Variants in COPG1 observed in about 807,000 individuals in gnomAD.
The protein encoded by COPG1 is coat protein complex I subunit gamma 1, also known as coatomer subunit gamma-1.
In COPG1, 29 loss-of-function variants were observed where a neutral mutation model predicts 102.8. The observed-to-expected ratio is 0.28, with a 90% CI of 0.21 to 0.38. COPG1 has a LOEUF of 0.38. COPG1 is among the 10% of genes least tolerant of loss of function. COPG1 has a pLI of 1.00. For missense variants in COPG1, 875 were observed against 1,132.7 expected (o/e 0.77, Z 3.27); for synonymous variants, 406 against 421.6 (o/e 0.96, Z 0.45).
intron 7 of COPG1, among the ~76,000 whole-genome samples, chr3:129,255,487 CTT>C (rs528208821): frequency 3.2e-5 from 4 of 126,884 alleles, no homozygotes; most frequent in African/African-American, 2.8e-5. Context: ...TCTCTTTCTT[CTT>C]TTTTTTTTTT....
chr3:129,264,741 C>T (rs1265653532), intron 13 of COPG1, among the ~76,000 whole-genome samples: 1 of 152,048 alleles, frequency 6.6e-6, no homozygotes, highest in Non-Finnish European at 1.5e-5. Context: ...ACCTTAGCCA[C>T]CCAAGTTCTG....
chr3:129,260,840 C>A, intron 12 of COPG1, 33 bp downstream of exon 12: 1 of 1,602,978 alleles, frequency 6.2e-7, no homozygotes, highest in Non-Finnish European at 8.5e-7. Flanking sequence ...CCACGGCCCC[C>A]AGAGGAAGGA....
rs565125384 is a variant in COPG1 at position 129,271,160 on chromosome 3, A to G, written c.1844-607A>G. ...TTCCCTTTAGTTTGCAAGGAATGCC[A>G]GGACCAGCCAGGGTGGGGTCCCATG... On this transcript the variant is annotated intron_variant, in intron 18 of 23. Coordinates refer to ENST00000314797, the MANE Select transcript of COPG1 (RefSeq NM_016128.4). The surrounding 1 kb of genome is among the most constrained non-coding windows in gnomAD (Gnocchi z 4.7). Among the ~76,000 whole-genome samples the G allele has an allele frequency of 6.6e-6, 1 of 152,328 alleles. No individual in the cohort carries two copies. Among genetic ancestry groups the G allele is most frequent in the South Asian group, 2.1e-4 (1 of 4,832 alleles).
intron 13 of COPG1, 28 bp from the exon 14 acceptor site, chr3:129,265,521 C>G: frequency 6.2e-7 from 1 of 1,612,178 alleles, no homozygotes; most frequent in East Asian, 2.2e-5. Context: ...AGAGCAGGCT[C>G]CTTGCTTAGC....
chr3:129,267,136 T>C (rs1027960091), intron 15 of COPG1, 37 bp downstream of exon 15: 1 of 1,534,004 alleles, frequency 6.5e-7, no homozygotes, highest in African/African-American at 1.4e-5. Context: ...GGGGACAGTG[T>C]TCCCTTGGAC....
chr3:129,267,102 G>A lies in COPG1; in HGVS notation c.1544+3G>A. 3 of 1,613,274 alleles carry A rather than the reference G, an allele frequency of 1.9e-6. No individual in the cohort carries two copies. Among genetic ancestry groups the A allele is most frequent in the South Asian group, 2.2e-5 (2 of 91,002 alleles). On this transcript the variant is annotated splice_donor_region_variant and intron_variant, in intron 15 of 23. Coordinates refer to ENST00000314797, the MANE Select transcript of COPG1 (RefSeq NM_016128.4). ...AGTATCTTGGTGTTGCTGAAGAGGT[G>A]AGTCTAGGCCCAGGGGCCCTAATGG...
intron 18 of COPG1, among the ~76,000 whole-genome samples, chr3:129,269,706 T>C (rs1369420946): frequency 6.6e-6 from 1 of 152,136 alleles, no homozygotes; most frequent in Non-Finnish European, 1.5e-5. Flanking sequence ...ACACTCAGAA[T>C]CATGTCTTAT....
rs558974951 is a variant in COPG1 at position 129,271,833 on chromosome 3, T to C, written c.1910T>C (p.Val637Ala). ...GPLFKSSPEP[V>A]ALTESETEYV... is the part of the protein sequence containing the mutation. The stretch of plus-strand genomic sequence containing the variant: ...CTCTTCAAGTCCTCGCCTGAGCCCG[T>C]GGCCCTCACCGAGTCAGAGACGGAG... Residue 637 changes from valine to alanine, a missense_variant, in exon 19 of 24, where the codon GTG becomes GCG. Val to Ala is a moderately conservative substitution (Grantham distance 64). Coordinates refer to ENST00000314797, the MANE Select transcript of COPG1 (RefSeq NM_016128.4). The surrounding 1 kb of genome is among the most constrained non-coding windows in gnomAD (Gnocchi z 4.7). 6.2e-7 allele frequency: 1 copy of C among 1,614,224 alleles called. No homozygotes were observed. The highest frequency in any genetic ancestry group is 1.3e-5 in the African/African-American group (1 of 75,054).
Position 129,275,387 on chromosome 3 carries a change from T to A in COPG1, c.2494+95T>A. The A allele has an allele frequency of 2.3e-6, 2 of 856,122 alleles. No homozygotes were observed. The highest frequency in any genetic ancestry group is 3.8e-6 in the Non-Finnish European group (2 of 532,692). 53.0% of individuals were successfully genotyped at this position (856,122 alleles called of 1,614,324 possible). On this transcript the variant is annotated intron_variant, in intron 23 of 23. Transcript: ENST00000314797. This position sits in a 1 kb window ranked among gnomAD's most constrained non-coding sequence, Gnocchi z 5.0. ...AGGACTCCACTGTAAATATGGGGAG[T>A]CAAAATTCACAGCATTTAAAATTCA...
chr3:129,258,708 G>A (rs1158705765), intron 10 of COPG1, among the ~76,000 whole-genome samples: 6 of 152,094 alleles, frequency 3.9e-5, no homozygotes, highest in Admixed American at 1.3e-4. Flanking sequence ...CGCCCGCCTC[G>A]GCCTCCCAAA....
chr3:129,260,760 A>T lies in COPG1; in HGVS notation c.1081A>T (p.Met361Leu). 2.5e-6 allele frequency: 4 copies of T among 1,612,814 alleles called. No homozygotes were observed. Among genetic ancestry groups the T allele is most frequent in the Non-Finnish European group, 3.4e-6 (4 of 1,180,022 alleles). Residue 361 changes from methionine to leucine, a missense_variant, in exon 12 of 24, where the codon ATG becomes TTG. Coordinates refer to ENST00000314797, the MANE Select transcript of COPG1 (RefSeq NM_016128.4). ...TGSESSIDRL[M>L]KQISSFMSEI... is the part of the protein sequence containing the mutation. ...CAGCGAGAGCAGCATCGACCGCCTCATGAAGCAGATCTCCTCCTTCATGTC... is the reference window on the plus strand; with the variant it reads ...CAGCGAGAGCAGCATCGACCGCCTCTTGAAGCAGATCTCCTCCTTCATGTC...
rs1476941763 is a variant in COPG1 at position 129,260,316 on chromosome 3, C to G, written c.872-17C>G. 1.2e-6 allele frequency: 2 copies of G among 1,612,692 alleles called. No homozygotes were observed. Among genetic ancestry groups the G allele is most frequent in the Non-Finnish European group, 1.7e-6 (2 of 1,178,998 alleles). ...GCAGTGAAGGCAACCTGACATGTGG[C>G]ATCCATCTCCCCACAGTGCTCCAGC... On this transcript the variant is annotated splice_polypyrimidine_tract_variant and intron_variant, in intron 10 of 23. Transcript: ENST00000314797.
Position 129,272,407 on chromosome 3 carries a change from C to G in COPG1, c.2150C>G (p.Pro717Arg). 3 of 1,613,240 alleles carry G rather than the reference C, an allele frequency of 1.9e-6. No homozygotes were observed. Among genetic ancestry groups the G allele is most frequent in the Non-Finnish European group, 2.5e-6 (3 of 1,179,644 alleles). ...YTLVALPKED[P>R]TAVACTFSCM... ...CTGGTGGCACTGCCCAAAGAAGACCCCACAGCTGGTGAGCCCCTCTCCAGA... is the reference window on the plus strand; with the variant it reads ...CTGGTGGCACTGCCCAAAGAAGACCGCACAGCTGGTGAGCCCCTCTCCAGA... Residue 717 changes from proline (P) to arginine (R), a missense_variant, in exon 20 of 24, where the codon CCC (proline) becomes CGC (arginine). By Grantham distance (103) the Pro-to-Arg change is moderately radical (BLOSUM62 -2). Transcript: ENST00000314797.
chr3:129,252,234 G>A (rs755518343), intron 2 of COPG1, 47 bp from the exon 3 acceptor site: 17 of 1,330,344 alleles, frequency 1.3e-5, no homozygotes, highest in Non-Finnish European at 1.8e-5. Flanking sequence ...TACTTGAAGG[G>A]AAATGAACTA....
At position 129,275,164 on chromosome 3, in the gene COPG1, G is replaced by C; in HGVS notation, c.2396-30G>C. 6.3e-7 allele frequency: 1 copy of C among 1,599,818 alleles called. No homozygotes were observed. Among genetic ancestry groups the C allele is most frequent in the Non-Finnish European group, 8.6e-7 (1 of 1,167,228 alleles). ...GGTGGCACAAAGGGCAGATAAGATG[G>C]CTTAACAATATTGGGATTTCTCATT... is the stretch of plus-strand genomic sequence containing the variant. On this transcript the variant is annotated intron_variant, in intron 22 of 23. Transcript: ENST00000314797. This position sits in a 1 kb window ranked among gnomAD's most constrained non-coding sequence, Gnocchi z 5.0.
chr3:129,266,389 A>C (rs1344144875), intron 14 of COPG1, among the ~76,000 whole-genome samples: 1 of 151,982 alleles, frequency 6.6e-6, no homozygotes, highest in Admixed American at 6.6e-5. Flanking sequence ...TCAGTCTCTG[A>C]AAGTGCTGGG....
chr3:129,257,453 T>C lies in COPG1; in HGVS notation c.580-17T>C. The C allele has an allele frequency of 6.2e-7, 1 of 1,613,804 alleles. No individual in the cohort carries two copies. The highest frequency in any genetic ancestry group is 1.3e-5 in the African/African-American group (1 of 75,040). On this transcript the variant is annotated splice_polypyrimidine_tract_variant and intron_variant, in intron 8 of 23. Coordinates refer to ENST00000314797, the MANE Select transcript of COPG1 (RefSeq NM_016128.4). The stretch of plus-strand genomic sequence containing the variant: ...AAGTCATACATTTGTACTCTGTTGC[T>C]GTCTCCTGTCCTATAGTACCACGCA...
intron 10 of COPG1, 94 bp downstream of exon 10, chr3:129,257,954 T>C: frequency 6.7e-7 from 1 of 1,495,430 alleles, no homozygotes; most frequent in South Asian, 1.3e-5. Flanking sequence ...GAAAATGCTC[T>C]TAACAAGTGT....
At chr3:129,260,129 A>G (rs1939894571) in intron 10 of COPG1, 3 of 595,814 alleles carry the variant, frequency 5.0e-6, no homozygotes, top group Non-Finnish European at 9.0e-6. Flanking sequence ...CCCTCACTGG[A>G]ACCCCTGGGT....
Sources: allele counts gnomAD v4.1 joint callset (sites outside exome capture counted in the v4.1 genomes callset), GRCh38; gene constraint gnomAD v4.1.1; non-coding constraint Gnocchi (gnomAD v3.1); transcripts MANE v1.5; gene names NCBI Gene and HGNC (gene_info 2026-07-23, HGNC 2026-07-21).